Variants in FAM169A observed in about 807,000 individuals in gnomAD.
The protein encoded by FAM169A is soluble lamin-associated protein of 75 kDa.
FAM169A carries 24 observed loss-of-function variants against 75.7 expected under a neutral mutation model. That is an observed-to-expected ratio of 0.32 (90% CI 0.23 to 0.45). The LOEUF (loss-of-function observed/expected upper bound fraction) is 0.45. FAM169A is among the 20% of genes least tolerant of loss of function. The pLI is 1.00. For missense variants in FAM169A, 673 were observed against 784.0 expected (o/e 0.86, Z 1.69); for synonymous variants, 271 against 271.0 (o/e 1.00, Z 0.00).
At chr5:74,791,090 T>G (rs1416370188) in intron 11 of FAM169A, among the ~76,000 whole-genome samples, 1 of 152,198 alleles carries the variant, frequency 6.6e-6, no homozygotes, top group Non-Finnish European at 1.5e-5. Flanking sequence ...AGTGGGCTCA[T>G]GCTCATGGAA....
intron 5 of FAM169A, among the ~76,000 whole-genome samples, chr5:74,823,148 C>T (rs769797553): frequency 2.1e-4 from 32 of 152,328 alleles, no homozygotes; most frequent in Middle Eastern, 3.4e-3. Flanking sequence ...TTGATAGCTT[C>T]CTGGCCAATA....
intron 1 of FAM169A, among the ~76,000 whole-genome samples, chr5:74,860,032 G>A (rs1430077267): frequency 6.6e-6 from 1 of 152,028 alleles, no homozygotes; most frequent in African/African-American, 2.4e-5. Flanking sequence ...TCACATTGAG[G>A]TAATTCTGTC....
At position 74,780,354 on chromosome 5, in the gene FAM169A, C is replaced by T. The variant is rs1334323612; in HGVS notation, c.*1106G>A. On this transcript the variant is annotated 3_prime_UTR_variant, in exon 13 of 13. Coordinates refer to ENST00000687041, the MANE Select transcript of FAM169A (RefSeq NM_001376049.1). ...GGTCTAACATTGTGGGGTGCACCTC[C>T]AAACCTACCCAAAAATGGACATCAA... The T allele has an allele frequency of 6.6e-6, 1 of 152,168 alleles. No individual in the cohort carries two copies. The highest frequency in any genetic ancestry group is 1.5e-5 in the Non-Finnish European group (1 of 68,044). The allele number at this position is 152,168 out of a possible 1,614,324, so 9.4% of individuals were successfully genotyped here. A position where few individuals can be genotyped will look rare whatever the true frequency, so the allele number is the denominator to read the frequency against.
chr5:74,801,465 T>C (rs1399602329), intron 9 of FAM169A, 125 bp downstream of exon 9: 2 of 780,890 alleles, frequency 2.6e-6, no homozygotes, highest in Non-Finnish European at 2.2e-6. Context: ...ATCTAGATTT[T>C]AGAGCTGGTT....
At chr5:74,797,888 T>C (rs776002830) in intron 10 of FAM169A, among the ~76,000 whole-genome samples, 3 of 152,028 alleles carry the variant, frequency 2.0e-5, no homozygotes, top group Non-Finnish European at 2.9e-5. Flanking sequence ...ATAAGCTTAA[T>C]AATATATAAA....
chr5:74,805,524 CTTTTTTTTTTTTT>C (rs1194674402), intron 6 of FAM169A, among the ~76,000 whole-genome samples: 2 of 81,934 alleles, frequency 2.4e-5, no homozygotes, highest in Admixed American at 3.5e-4. Context: ...ATGTGCTTCG[CTTTTTTTTTTTTT>C]TTTTTTTTTT....
chr5:74,866,121 G>A (rs1292475335), intron 1 of FAM169A, 44 bp downstream of exon 1: 1 of 932,216 alleles, frequency 1.1e-6, no homozygotes, highest in African/African-American at 1.8e-5. Context: ...CGGCCGTCTC[G>A]GCCTCACCCA....
At chr5:74,860,764 A>C (rs138944411) in intron 1 of FAM169A, among the ~76,000 whole-genome samples, 62 of 151,256 alleles carry the variant, frequency 4.1e-4, no homozygotes, top group Non-Finnish European at 7.8e-4. Flanking sequence ...TTCTTTCAGC[A>C]ACTGACCCCT....
chr5:74,800,795 A>T (rs1313596328), intron 10 of FAM169A, 85 bp downstream of exon 10: 4 of 461,930 alleles, frequency 8.7e-6, no homozygotes, highest in Non-Finnish European at 1.3e-5. Flanking sequence ...ATTATATATA[A>T]AATATTAAAT....
chr5:74,840,051 A>T (rs1358575759), intron 3 of FAM169A, 23 bp downstream of exon 3: 10 of 1,264,838 alleles, frequency 7.9e-6, no homozygotes, highest in Non-Finnish European at 1.1e-5. Flanking sequence ...TCCTTAATTT[A>T]TAAAAATTAA....
At chr5:74,857,551 C>A (rs1749775442) in intron 1 of FAM169A, among the ~76,000 whole-genome samples, 1 of 114,936 alleles carries the variant, frequency 8.7e-6, no homozygotes, top group South Asian at 2.9e-4. Flanking sequence ...GTCTGGGTGA[C>A]AGAGCCAGAC....
At chr5:74,860,115 AG>A (rs1242506733) in intron 1 of FAM169A, among the ~76,000 whole-genome samples, 1 of 152,212 alleles carries the variant, frequency 6.6e-6, no homozygotes, top group Non-Finnish European at 1.5e-5. Flanking sequence ...GGAGAGATTC[AG>A]TATCTTAATA....
At chr5:74,796,657 G>A (rs1479642462) in intron 10 of FAM169A, among the ~76,000 whole-genome samples, 1 of 151,698 alleles carries the variant, frequency 6.6e-6, no homozygotes, top group African/African-American at 2.4e-5. Context: ...GCCCATCTTG[G>A]CCTCCCAAAG....
chr5:74,793,142 T>A (rs1277154243), intron 11 of FAM169A, among the ~76,000 whole-genome samples: 9 of 151,998 alleles, frequency 5.9e-5, no homozygotes, highest in Non-Finnish European at 1.5e-5. Context: ...CTGGCCAACA[T>A]GGTGAAACCC....
At chr5:74,809,548 A>T (rs1747063299) in intron 6 of FAM169A, among the ~76,000 whole-genome samples, 1 of 152,180 alleles carries the variant, frequency 6.6e-6, no homozygotes, top group South Asian at 2.1e-4. Context: ...GTGAGCCGAG[A>T]TTGTGCCACT....
At chr5:74,840,685 C>T (rs1250831726) in intron 2 of FAM169A, among the ~76,000 whole-genome samples, 3 of 151,470 alleles carry the variant, frequency 2.0e-5, no homozygotes, top group East Asian at 3.9e-4. Flanking sequence ...AAAAATTAGC[C>T]GGGCATGGTG....
In FAM169A at chr5:74,804,518, T is replaced by C. The variant is rs758175782; in HGVS notation, c.887A>G (p.Asn296Ser). ...AGTTAGCTGCATCTCACTAGACTGATTGTCTTCAGTTCTTGCTTCGTATTC... is the reference window on the plus strand; with the variant it reads ...AGTTAGCTGCATCTCACTAGACTGACTGTCTTCAGTTCTTGCTTCGTATTC... ...VPEYEARTED[N>S]QSSEMQLTID... is the part of the protein sequence containing the mutation. The change falls in exon 8 of 13, where the codon AAT (asparagine) becomes AGT (serine). Residue 296 changes from asparagine (N) to serine (S), a missense_variant. By Grantham distance (46) the Asn-to-Ser change is conservative. Coordinates refer to ENST00000687041, the MANE Select transcript of FAM169A (RefSeq NM_001376049.1). 2.2e-5 allele frequency: 36 copies of C among 1,600,728 alleles called. No homozygotes were observed. The highest frequency in any genetic ancestry group is 1.7e-4 in the Middle Eastern group (1 of 6,046).
At chr5:74,829,994 G>T (rs1036089351) in intron 5 of FAM169A, among the ~76,000 whole-genome samples, 1 of 151,712 alleles carries the variant, frequency 6.6e-6, no homozygotes, top group African/African-American at 2.4e-5. Context: ...AGAAATATGG[G>T]GAATAAAATA....
chr5:74,853,581 AAAATT>A (rs1420158872), intron 1 of FAM169A, among the ~76,000 whole-genome samples: 1 of 152,206 alleles, frequency 6.6e-6, no homozygotes, highest in African/African-American at 2.4e-5. Flanking sequence ...TAAGTGTAAT[AAAATT>A]AAAGAATGTA....
Sources: gnomAD v4.1 joint callset for allele counts (sites outside exome capture counted in the v4.1 genomes callset) on GRCh38, gnomAD v4.1.1 for gene constraint, MANE v1.5 for transcripts, NCBI Gene and HGNC (gene_info 2026-07-23, HGNC 2026-07-21) for gene names.